Variants in IPO7 observed in about 807,000 individuals in gnomAD.
The protein encoded by IPO7 is importin 7.
In IPO7, 13 loss-of-function variants were observed where a neutral mutation model predicts 136.4. The observed-to-expected ratio is 0.10, with a 90% CI of 0.06 to 0.15. IPO7 has a LOEUF of 0.15. Ranked by LOEUF, IPO7 falls within the 10% of genes least tolerant of loss-of-function variation. The probability of loss-of-function intolerance (pLI) is 1.00; values close to 1 mark genes in which losing one functional copy is unlikely to be tolerated. For missense variants in IPO7, 857 were observed against 1,240.6 expected, an observed-to-expected ratio of 0.69 and a Z score of 4.65; for synonymous variants, 403 against 404.4, an observed-to-expected ratio of 1.00 and a Z score of 0.04.
intron 6 of IPO7, among the ~76,000 whole-genome samples, chr11:9,418,037 A>AG (rs1426776886): frequency 6.7e-6 from 1 of 148,820 alleles, no homozygotes; most frequent in Non-Finnish European, 1.5e-5. Flanking sequence ...CTAGAGATAT[A>AG]GGGGAATTTA....
At chr11:9,414,557 C>A in intron 5 of IPO7, 146 bp downstream of exon 5, 7 of 334,074 alleles carry the variant, frequency 2.1e-5, no homozygotes, top group Non-Finnish European at 3.2e-5. Context: ...ATAGAAATTG[C>A]AAAAATTATA....
intron 4 of IPO7, among the ~76,000 whole-genome samples, chr11:9,410,912 G>T (rs1252400254): frequency 6.6e-6 from 1 of 152,200 alleles, no homozygotes; most frequent in Non-Finnish European, 1.5e-5. Flanking sequence ...GGGACTTGCA[G>T]TTAGCCTCCA....
At chr11:9,433,924 T>A in intron 18 of IPO7, 78 bp downstream of exon 18, 3 of 54,842 alleles carry the variant, frequency 5.5e-5, no homozygotes, top group Admixed American at 2.3e-4. Context: ...GAACATACAC[T>A]TTTTTTTTTT....
chr11:9,423,995 C>T, intron 10 of IPO7, 119 bp downstream of exon 10: 1 of 566,960 alleles, frequency 1.8e-6, no homozygotes. Flanking sequence ...GTAATTGATC[C>T]CTTGTGTAGT....
rs1243234175 is a variant in IPO7 at position 9,447,857 on chromosome 11, A to G, written c.*2663A>G. ...AGTGACACACTGTATTAAGATAGTG[A>G]CTGCTATACTCAACTCTGGAAGAGA... On this transcript the variant is annotated 3_prime_UTR_variant, in exon 25 of 25. Transcript: ENST00000379719. 1 of 152,218 alleles carries G rather than the reference A, an allele frequency of 6.6e-6. No homozygotes were observed. The highest frequency in any genetic ancestry group is 2.4e-5 in the African/African-American group (1 of 41,450). 9.4% of individuals were successfully genotyped at this position (152,218 alleles called of 1,614,324 possible).
chr11:9,392,316 T>A (rs1167599018), intron 1 of IPO7: 1 of 314,632 alleles, frequency 3.2e-6, no homozygotes, highest in Admixed American at 4.3e-5. Context: ...TAGCTGGGAT[T>A]ACAGGTATGC....
chr11:9,444,836 C>CAAA (rs1044435694), intron 24 of IPO7, among the ~76,000 whole-genome samples: 6 of 71,042 alleles, frequency 8.4e-5, no homozygotes, highest in Admixed American at 3.0e-4. Flanking sequence ...GACTCTGTCT[C>CAAA]AAAAAAAAAA....
intron 6 of IPO7, among the ~76,000 whole-genome samples, chr11:9,419,559 A>AATATATATATATAT (rs1244588095): frequency 8.6e-6 from 1 of 116,830 alleles, no homozygotes; most frequent in African/African-American, 3.8e-5. Context: ...AAAAAAAAAA[A>AATATATATATATAT]ATATATATAT....
chr11:9,417,608 C>T (rs148833339), intron 6 of IPO7, among the ~76,000 whole-genome samples: 2 of 152,058 alleles, frequency 1.3e-5, no homozygotes, highest in East Asian at 3.9e-4. Context: ...TTTTAAAGTA[C>T]AACTTGGTAG....
intron 5 of IPO7, among the ~76,000 whole-genome samples, chr11:9,414,772 C>A (rs1047280450): frequency 9.3e-5 from 14 of 151,304 alleles, no homozygotes; most frequent in Non-Finnish European, 4.4e-5. Context: ...ATTACAGGCA[C>A]GTGCCACCAC....
intron 22 of IPO7, among the ~76,000 whole-genome samples, chr11:9,439,006 G>T (rs180969008): frequency 4.7e-4 from 72 of 152,274 alleles, no homozygotes; most frequent in African/African-American, 1.6e-3. Flanking sequence ...TTATATGGTG[G>T]CATGAGCCTA....
chr11:9,395,092 C>G (rs1284288257), intron 1 of IPO7, among the ~76,000 whole-genome samples: 1 of 152,018 alleles, frequency 6.6e-6, no homozygotes, highest in Non-Finnish European at 1.5e-5. Context: ...TATTTTGACT[C>G]ATATAAAAAA....
intron 13 of IPO7, 61 bp from the exon 14 acceptor site, chr11:9,428,970 G>C (rs748530734): frequency 6.9e-7 from 1 of 1,449,532 alleles, no homozygotes; most frequent in Non-Finnish European, 9.7e-7. Flanking sequence ...AGGGAATAGA[G>C]ATTAGCTTGG....
rs1855329877 is a variant in IPO7, at chr11:9,433,599, A to G, written c.1911A>G (p.Leu637=). The change falls in exon 17 of 25, where the codon TTA becomes TTG. Residue 637 remains leucine (L), a synonymous_variant. Transcript: ENST00000379719. Reference sequence around the variant, plus strand: ...CCCAACAGCTTGAGGGAATCTGCTTACAGGTCATTGGTACTGTTTTACAAC... The same window carrying G: ...CCCAACAGCTTGAGGGAATCTGCTTGCAGGTCATTGGTACTGTTTTACAAC... The part of the protein sequence containing the change: ...EITQQLEGIC[L]QVIGTVLQQH... 2 of 1,612,574 alleles carry G rather than the reference A, an allele frequency of 1.2e-6. No individual in the cohort carries two copies. Among genetic ancestry groups the G allele is most frequent in the Non-Finnish European group, 1.7e-6 (2 of 1,179,882 alleles).
intron 4 of IPO7, among the ~76,000 whole-genome samples, chr11:9,410,769 A>C (rs10770032): frequency 1.3e-5 from 2 of 151,950 alleles, no homozygotes; most frequent in Non-Finnish European, 2.9e-5. Context: ...TTTTAAGTCT[A>C]TAGTTGATAG....
chr11:9,408,430 A>C, intron 2 of IPO7, 56 bp from the exon 3 acceptor site: 2 of 1,203,318 alleles, frequency 1.7e-6, no homozygotes, highest in Non-Finnish European at 2.2e-6. Flanking sequence ...CACTTGTGGG[A>C]TTTTCACAGT....
intron 8 of IPO7, among the ~76,000 whole-genome samples, chr11:9,422,289 A>G (rs553441514): frequency 6.6e-6 from 1 of 152,282 alleles, no homozygotes; most frequent in South Asian, 2.1e-4. Context: ...AAATAAATAA[A>G]TAAATAAAAA....
At chr11:9,412,099 A>T (rs2133739737) in intron 4 of IPO7, among the ~76,000 whole-genome samples, 1 of 152,370 alleles carries the variant, frequency 6.6e-6, no homozygotes, top group East Asian at 1.9e-4. Flanking sequence ...AAAGGTATAG[A>T]TAACCTTTTA....
rs1729668530 is a variant in IPO7 at position 9,428,498 on chromosome 11, T to G, written c.1336-42T>G. 6.2e-6 allele frequency: 5 copies of G among 805,130 alleles called. No individual in the cohort carries two copies. The Admixed American group carries it at 9.2e-5, about 15-fold the overall frequency. 49.9% of individuals were successfully genotyped at this position (805,130 alleles called of 1,614,324 possible). A position where few individuals can be genotyped will look rare whatever the true frequency, so the allele number is the denominator to read the frequency against. On this transcript the variant is annotated intron_variant, in intron 12 of 24. Transcript: ENST00000379719. The stretch of plus-strand genomic sequence containing the variant: ...ATCTGTTTGGAAATTGAGATGATTA[T>G]ATTTGGAACTGTATCAAAATAACTG...
Sources: allele counts gnomAD v4.1 joint callset (sites outside exome capture counted in the v4.1 genomes callset), GRCh38; gene constraint gnomAD v4.1.1; transcripts MANE v1.5; gene names NCBI Gene and HGNC (gene_info 2026-07-23, HGNC 2026-07-21).